Variants in MRPS9 observed in about 807,000 individuals in gnomAD.
MRPS9 encodes the protein small ribosomal subunit protein uS9m.
In MRPS9, 45 loss-of-function variants were observed where a neutral mutation model predicts 59.9. The ratio of observed to expected loss-of-function variants is 0.75; its 90% CI spans 0.59 to 0.96. MRPS9 has a LOEUF of 0.96. MRPS9 is among the 40% of genes least tolerant of loss of function. MRPS9 has a pLI of 0.00. For missense variants in MRPS9, 473 were observed against 481.1 expected (o/e 0.98, Z 0.16); for synonymous variants, 171 against 166.8 (o/e 1.03, Z -0.19).
intron 1 of MRPS9, among the ~76,000 whole-genome samples, chr2:105,047,505 G>A (rs1056788103): frequency 6.6e-6 from 1 of 151,892 alleles, no homozygotes; most frequent in Non-Finnish European, 1.5e-5. Flanking sequence ...TAGGAGGGAT[G>A]GTGCCAGTGA....
chr2:105,099,363 G>C (rs56006008), intron 10 of MRPS9: 44,090 of 206,590 alleles, frequency 0.21, 4,892 homozygotes, highest in Middle Eastern at 0.31. Flanking sequence ...CACACAAGAG[G>C]AGCTTTATCT....
At chr2:105,084,079 T>G (rs556223967) in intron 5 of MRPS9, among the ~76,000 whole-genome samples, 1 of 152,072 alleles carries the variant, frequency 6.6e-6, no homozygotes, top group Non-Finnish European at 1.5e-5. Flanking sequence ...CTCATCCCAG[T>G]CTTTAAGGAA....
chr2:105,093,860 C>T (rs896368471), intron 9 of MRPS9, among the ~76,000 whole-genome samples: 1 of 152,132 alleles, frequency 6.6e-6, no homozygotes, highest in Non-Finnish European at 1.5e-5. Flanking sequence ...GACTCTTCTT[C>T]CCCTTTTCAT....
At chr2:105,064,810 C>T (rs566316328) in intron 2 of MRPS9, among the ~76,000 whole-genome samples, 2 of 152,324 alleles carry the variant, frequency 1.3e-5, no homozygotes, top group East Asian at 3.9e-4. Flanking sequence ...AGTAGAACAA[C>T]AGTATTCCAG....
intron 2 of MRPS9, among the ~76,000 whole-genome samples, chr2:105,057,085 G>C (rs1679804492): frequency 6.6e-6 from 1 of 152,128 alleles, no homozygotes; most frequent in East Asian, 1.9e-4. Context: ...GGCAGGTATA[G>C]AATCTCTTCA....
chr2:105,073,991 A>T (rs1680163147), intron 4 of MRPS9, among the ~76,000 whole-genome samples: 1 of 152,226 alleles, frequency 6.6e-6, no homozygotes, highest in Non-Finnish European at 1.5e-5. Flanking sequence ...GTAATTGGAC[A>T]TAAAGAAAAC....
At chr2:105,088,610 T>G (rs1211727916) in intron 5 of MRPS9, among the ~76,000 whole-genome samples, 1 of 152,118 alleles carries the variant, frequency 6.6e-6, no homozygotes, top group African/African-American at 2.4e-5. Flanking sequence ...AAGTTTAAAG[T>G]GCACATTGCC....
chr2:105,097,449 T>G (rs1171292389), intron 10 of MRPS9, 125 bp downstream of exon 10: 2 of 891,668 alleles, frequency 2.2e-6, no homozygotes, highest in Non-Finnish European at 3.1e-6. Context: ...TTCACTTCGC[T>G]GTCTTCTTTC....
intron 2 of MRPS9, 73 bp from the exon 3 acceptor site, chr2:105,071,240 A>G: frequency 1.7e-6 from 2 of 1,198,032 alleles, no homozygotes; most frequent in Non-Finnish European, 2.4e-6. Context: ...AGCATATAGA[A>G]AGCACTCTAT....
intron 9 of MRPS9, among the ~76,000 whole-genome samples, chr2:105,094,389 A>G (rs997598809): frequency 2.0e-5 from 3 of 152,150 alleles, no homozygotes; most frequent in African/African-American, 7.2e-5. Flanking sequence ...TCTTCTTGAT[A>G]TGGTTATTAT....
chr2:105,092,565 T>G lies in MRPS9; in HGVS notation c.816T>G (p.Ser272Arg), dbSNP rs6543282. The change falls in exon 8 of 11, where the codon AGT becomes AGG. Residue 272 changes from serine to arginine, a missense_variant. Coordinates refer to ENST00000258455, the MANE Select transcript of MRPS9 (RefSeq NM_182640.3). ...AGCAAGGAATGGCCTTTAGCAAAAG[T>G]GAAGGTAATGACATTCTGTGGAGAG... ...YDEQGMAFSK[S>R]EGKRKTAKAE... 6.4e-7 allele frequency: 1 copy of G among 1,557,456 alleles called. No homozygotes were observed. Among genetic ancestry groups the G allele is most frequent in the South Asian group, 1.2e-5 (1 of 80,972 alleles).
intron 7 of MRPS9, chr2:105,091,447 TCACCCTTA>T (rs1353037904): frequency 4.3e-6 from 2 of 468,684 alleles, no homozygotes; most frequent in African/African-American, 4.0e-5. Flanking sequence ...GCTGAGTATT[TCACCCTTA>T]CTAGAAGAGT....
rs1189189535 is a variant in MRPS9, at chr2:105,051,591, G to C, written c.315+2241G>C. Among the ~76,000 whole-genome samples the C allele has an allele frequency of 3.3e-5, 5 of 152,168 alleles. No homozygotes were observed. In the South Asian group the frequency reaches 1.0e-3, roughly 31 times the overall value. On this transcript the variant is annotated intron_variant, in intron 2 of 10. Coordinates refer to ENST00000258455, the MANE Select transcript of MRPS9 (RefSeq NM_182640.3). ...CCTGCAAGGAGCCACCTAAGATTTT[G>C]ATAGGGATTGTGCTGAATCTCTAGA...
intron 1 of MRPS9, among the ~76,000 whole-genome samples, chr2:105,048,547 T>C (rs1340440996): frequency 2.6e-5 from 4 of 152,036 alleles, no homozygotes. Flanking sequence ...CGAGCCCTTA[T>C]TTCTGCAGTT....
chr2:105,090,604 C>G (rs1236940633), intron 7 of MRPS9, among the ~76,000 whole-genome samples: 3 of 152,140 alleles, frequency 2.0e-5, no homozygotes, highest in Admixed American at 2.0e-4. Context: ...AATCTTATAC[C>G]CTATAAAGTT....
chr2:105,078,922 C>T (rs1680268506), intron 4 of MRPS9, among the ~76,000 whole-genome samples: 2 of 151,858 alleles, frequency 1.3e-5, no homozygotes, highest in African/African-American at 2.4e-5. Context: ...TCAGTGGGGG[C>T]AAAGACTGGT....
At chr2:105,090,936 A>T (rs1434356112) in intron 7 of MRPS9, among the ~76,000 whole-genome samples, 1 of 152,188 alleles carries the variant, frequency 6.6e-6, no homozygotes, top group African/African-American at 2.4e-5. Flanking sequence ...AGTGTCAGAC[A>T]ATTGGTTAGT....
At chr2:105,050,451 C>T (rs373535049) in intron 2 of MRPS9, among the ~76,000 whole-genome samples, 1 of 152,096 alleles carries the variant, frequency 6.6e-6, no homozygotes, top group Non-Finnish European at 1.5e-5. Flanking sequence ...AGAAGGATTT[C>T]TTATTGCTCT....
At chr2:105,061,745 G>A (rs1679909313) in intron 2 of MRPS9, among the ~76,000 whole-genome samples, 2 of 152,024 alleles carry the variant, frequency 1.3e-5, no homozygotes, top group African/African-American at 2.4e-5. Context: ...TTCCCTGGAG[G>A]GCATGTTGCA....
Sources: gnomAD v4.1 joint callset for allele counts (sites outside exome capture counted in the v4.1 genomes callset) on GRCh38, gnomAD v4.1.1 for gene constraint, MANE v1.5 for transcripts, NCBI Gene and HGNC (gene_info 2026-07-23, HGNC 2026-07-21) for gene names.